The following DAB1 variants were observed in gnomAD, a reference collection of about 807,000 sequenced individuals.
DAB1 encodes the protein disabled homolog 1.
Under a neutral mutation model 64.6 loss-of-function variants are expected in DAB1, and 15 were observed. The observed-to-expected ratio is 0.23, with a 90% CI of 0.16 to 0.36. The LOEUF is 0.36. DAB1 is among the 10% of genes least tolerant of loss of function. The probability of loss-of-function intolerance (pLI) is 1.00; values close to 1 mark genes in which losing one functional copy is unlikely to be tolerated. For synonymous variants in DAB1, 235 were observed against 251.9 expected (o/e 0.93, Z 0.64); for missense variants, 596 against 706.7 (o/e 0.84, Z 1.78).
At chr1:57,549,033 A>G (rs556179581) in intron 7 of DAB1, among the ~76,000 whole-genome samples, 2 of 152,298 alleles carry the variant, frequency 1.3e-5, no homozygotes, top group South Asian at 4.1e-4. Flanking sequence ...CCAGTGTTTT[A>G]TATTGCCTCT....
chr1:57,250,397 T>C (rs1244336902), intron 2 of DAB1, among the ~76,000 whole-genome samples: 2 of 152,298 alleles, frequency 1.3e-5, no homozygotes, highest in East Asian at 3.9e-4. Context: ...AAAAGTAAAA[T>C]ACTGGTGTAC....
intron 1 of DAB1, among the ~76,000 whole-genome samples, chr1:57,848,036 C>A (rs1266084060): frequency 6.6e-6 from 1 of 152,176 alleles, no homozygotes; most frequent in Non-Finnish European, 1.5e-5. Flanking sequence ...GTTGCACTGT[C>A]ACTGTAAGAG....
chr1:58,205,483 C>G (rs946956536), intron 4 of DAB1, among the ~76,000 whole-genome samples: 2 of 152,190 alleles, frequency 1.3e-5, no homozygotes, highest in African/African-American at 4.8e-5. Flanking sequence ...TGTTCAAGGT[C>G]TTCTCACCCA....
At chr1:57,206,584 C>G (rs922863383) in intron 2 of DAB1, among the ~76,000 whole-genome samples, 1 of 152,188 alleles carries the variant, frequency 6.6e-6, no homozygotes, top group Admixed American at 6.5e-5. Flanking sequence ...CCATTTACCC[C>G]AGTTTGGGGC....
intron 4 of DAB1, among the ~76,000 whole-genome samples, chr1:58,171,208 C>A (rs1203713952): frequency 1.3e-5 from 2 of 152,136 alleles, no homozygotes; most frequent in African/African-American, 4.8e-5. Flanking sequence ...AGGGAATCAA[C>A]CCTGAAGTCT....
chr1:57,361,400 G>A (rs1679540864), intron 1 of DAB1, among the ~76,000 whole-genome samples: 1 of 152,072 alleles, frequency 6.6e-6, no homozygotes, highest in South Asian at 2.1e-4. Flanking sequence ...CTACACTTCA[G>A]TTTCCTCATA....
chr1:57,568,976 C>T (rs1328125076), intron 7 of DAB1, among the ~76,000 whole-genome samples: 6 of 151,572 alleles, frequency 4.0e-5, no homozygotes, highest in Non-Finnish European at 5.9e-5. Context: ...GACACATGCA[C>T]GGCCGGGCGC....
At chr1:57,827,482 C>T (rs1652402450) in intron 1 of DAB1, among the ~76,000 whole-genome samples, 1 of 152,068 alleles carries the variant, frequency 6.6e-6, no homozygotes, top group South Asian at 2.1e-4. Context: ...TCTCAATATT[C>T]AAGATGAGAA....
intron 3 of DAB1, among the ~76,000 whole-genome samples, chr1:58,466,607 T>G (rs1645299010): frequency 6.6e-6 from 1 of 152,196 alleles, no homozygotes. Context: ...TCATTCATCT[T>G]CAGGCCTCAG....
chr1:58,304,368 T>C (rs1662252010), intron 4 of DAB1, among the ~76,000 whole-genome samples: 1 of 152,206 alleles, frequency 6.6e-6, no homozygotes, highest in Admixed American at 6.5e-5. Flanking sequence ...TCTTCAGCCA[T>C]TCCTCCTGTG....
intron 5 of DAB1, among the ~76,000 whole-genome samples, chr1:58,139,083 T>C (rs1654130800): frequency 6.6e-6 from 1 of 152,158 alleles, no homozygotes; most frequent in South Asian, 2.1e-4. Context: ...GCCAGTATTA[T>C]AGACCTGGCA....
intron 9 of DAB1, among the ~76,000 whole-genome samples, chr1:57,039,551 C>T (rs115886258): frequency 0.039 from 5,953 of 152,236 alleles, 121 homozygotes; most frequent in South Asian, 0.063. Flanking sequence ...ACTCTTGGAC[C>T]TTCCCCCAGT....
chr1:58,520,897 A>C (rs1454375462), intron 2 of DAB1, among the ~76,000 whole-genome samples: 1 of 152,184 alleles, frequency 6.6e-6, no homozygotes, highest in East Asian at 1.9e-4. Context: ...CTACAAAAAA[A>C]AGGAAAAAAA....
intron 3 of DAB1, among the ~76,000 whole-genome samples, chr1:58,353,455 G>C (rs1644078410): frequency 6.6e-6 from 1 of 152,148 alleles, no homozygotes; most frequent in Admixed American, 6.5e-5. Flanking sequence ...ATGCTTTACA[G>C]ATTGTATTAG....
At chr1:58,097,790 G>A (rs1214300348) in intron 5 of DAB1, among the ~76,000 whole-genome samples, 4 of 152,088 alleles carry the variant, frequency 2.6e-5, no homozygotes, top group African/African-American at 9.7e-5. Flanking sequence ...GGTGGGAGGG[G>A]GACAGGCTGC....
intron 6 of DAB1, among the ~76,000 whole-genome samples, chr1:57,725,360 G>A (rs1312256010): frequency 6.6e-6 from 1 of 152,098 alleles, no homozygotes; most frequent in Non-Finnish European, 1.5e-5. Context: ...TCCTCACCTC[G>A]CTGGGCCCAC....
chr1:57,763,713 A>ATTAATTG (rs1251392728), intron 6 of DAB1, among the ~76,000 whole-genome samples: 1 of 152,148 alleles, frequency 6.6e-6, no homozygotes, highest in African/African-American at 2.4e-5. Context: ...CCACACCAAA[A>ATTAATTG]CAGAGATGAT....
At chr1:58,542,198 A>G (rs2100500856) in intron 1 of DAB1, among the ~76,000 whole-genome samples, 1 of 152,364 alleles carries the variant, frequency 6.6e-6, no homozygotes, top group South Asian at 2.1e-4. Flanking sequence ...TTAAATTAGT[A>G]AAGTCCAGGC....
At chr1:57,932,016 C>T (rs1380412428) in intron 5 of DAB1, among the ~76,000 whole-genome samples, 3 of 152,014 alleles carry the variant, frequency 2.0e-5, no homozygotes, top group South Asian at 4.2e-4. Flanking sequence ...CAGCTTTCAC[C>T]GCAACCCACA....
Sources: gnomAD v4.1 joint callset for allele counts (sites outside exome capture counted in the v4.1 genomes callset) on GRCh38, gnomAD v4.1.1 for gene constraint, MANE v1.5 for transcripts, NCBI Gene and HGNC (gene_info 2026-07-23, HGNC 2026-07-21) for gene names.